Variants in GPR39 observed in about 807,000 individuals in gnomAD.
GPR39 encodes G protein-coupled receptor 39.
In GPR39, 23 loss-of-function variants were observed where a neutral mutation model predicts 18.4. The ratio of observed to expected loss-of-function variants is 1.25; its 90% CI spans 0.90 to 1.77. The LOEUF is 1.77. Among genes scored for constraint, GPR39 ranks in the 40% most tolerant of loss-of-function variants. The probability of loss-of-function intolerance (pLI) is 0.00; values close to 1 mark genes in which losing one functional copy is unlikely to be tolerated. For synonymous variants in GPR39, 280 were observed against 257.9 expected (o/e 1.09, Z -0.82); for missense variants, 647 against 602.4 (o/e 1.07, Z -0.78).
At chr2:132,609,426 G>A (rs144900879) in intron 1 of GPR39, among the ~76,000 whole-genome samples, 65 of 152,270 alleles carry the variant, frequency 4.3e-4, no homozygotes, top group Middle Eastern at 3.4e-3. Flanking sequence ...ATGAGAAAAC[G>A]GAGAGTCAGA....
In GPR39 at chr2:132,646,013, CAA is replaced by C; in HGVS notation, c.*408_*409del. On this transcript the variant is annotated 3_prime_UTR_variant, in exon 2 of 2. Transcript: ENST00000329321. Reference sequence around the variant, plus strand: ...GGGTTGGGGGCGAGGGCTGGAAGAACAATGCAGGAGGGGGTGGCATCTCCTTC... The same window carrying C: ...GGGTTGGGGGCGAGGGCTGGAAGAACTGCAGGAGGGGGTGGCATCTCCTTC... 1 of 1,468,438 alleles carries C rather than the reference CAA, an allele frequency of 6.8e-7. No homozygotes were observed. Among genetic ancestry groups the C allele is most frequent in the Non-Finnish European group, 9.1e-7 (1 of 1,096,006 alleles). 91.0% of individuals were successfully genotyped at this position (1,468,438 alleles called of 1,614,324 possible). A position where few individuals can be genotyped will look rare whatever the true frequency, so the allele number is the denominator to read the frequency against.
At chr2:132,606,494 A>T (rs1681139772) in intron 1 of GPR39, among the ~76,000 whole-genome samples, 1 of 152,234 alleles carries the variant, frequency 6.6e-6, no homozygotes, top group Admixed American at 6.5e-5. Flanking sequence ...AAGATGGGCA[A>T]GTGCAGAGGT....
rs1367884667 is a variant in GPR39 at position 132,461,989 on chromosome 2, T to C, written c.856+44091T>C. On this transcript the variant is annotated intron_variant, in intron 1 of 1. Transcript: ENST00000329321. ...ATATTCAGGCTGGCTGAGGCCAAGA[T>C]GCAACGCAGTAAGATTACCATGGGC... 2.0e-5 allele frequency among the ~76,000 whole-genome samples: 3 copies of C among 152,218 alleles called. No homozygotes were observed. In the East Asian group the frequency reaches 5.8e-4, roughly 29 times the overall value.
intron 1 of GPR39, among the ~76,000 whole-genome samples, chr2:132,569,974 A>C (rs1477883097): frequency 6.6e-6 from 1 of 152,054 alleles, no homozygotes; most frequent in Non-Finnish European, 1.5e-5. Flanking sequence ...CTCTTATGTA[A>C]ATTGCCCAGT....
chr2:132,430,923 C>T (rs10185320), intron 1 of GPR39, among the ~76,000 whole-genome samples: 32,643 of 152,108 alleles, frequency 0.21, 3,666 homozygotes, highest in African/African-American at 0.26. Flanking sequence ...CTCTTATATC[C>T]CTGGACTTCC....
chr2:132,611,176 C>T (rs1289037835), intron 1 of GPR39, among the ~76,000 whole-genome samples: 2 of 152,240 alleles, frequency 1.3e-5, no homozygotes, highest in Non-Finnish European at 2.9e-5. Context: ...GGGGAGAACA[C>T]AGTGCAGGAA....
intron 1 of GPR39, among the ~76,000 whole-genome samples, chr2:132,624,130 A>G (rs1264272819): frequency 6.6e-6 from 1 of 152,186 alleles, no homozygotes; most frequent in East Asian, 1.9e-4. Context: ...CCGGAGGCTA[A>G]AAGTCTAAGA....
At chr2:132,589,676 C>T (rs543800037) in intron 1 of GPR39, among the ~76,000 whole-genome samples, 1 of 152,292 alleles carries the variant, frequency 6.6e-6, no homozygotes, top group South Asian at 2.1e-4. Flanking sequence ...ATGAACATTC[C>T]TGAAAGCCTA....
intron 1 of GPR39, among the ~76,000 whole-genome samples, chr2:132,420,974 A>G (rs1044548405): frequency 3.3e-5 from 5 of 152,242 alleles, no homozygotes; most frequent in South Asian, 4.1e-4. Context: ...TTGTCAGCCC[A>G]GTGACAAATC....
intron 1 of GPR39, among the ~76,000 whole-genome samples, chr2:132,550,182 T>C (rs980629315): frequency 6.6e-6 from 1 of 152,202 alleles, no homozygotes; most frequent in Non-Finnish European, 1.5e-5. Context: ...AGCCATCTAT[T>C]GTAGATAGTT....
chr2:132,595,205 G>A (rs1680915717), intron 1 of GPR39, among the ~76,000 whole-genome samples: 1 of 152,054 alleles, frequency 6.6e-6, no homozygotes, highest in African/African-American at 2.4e-5. Context: ...TCACCATGTT[G>A]GCCAGGCTGG....
rs143328165 is a variant in GPR39, at chr2:132,630,693, A to G, written c.857-14408A>G. Among the ~76,000 whole-genome samples, 600 of 152,242 alleles carry G rather than the reference A, an allele frequency of 3.9e-3. 3 individuals are homozygous for G. The highest frequency in any genetic ancestry group is 0.014 in the African/African-American group (569 of 41,536). ...GCAGGAGATGATGGTAGTAGCCCCA[A>G]TCAGGGTTGTGGCAGTGGGAATGGT... is the stretch of plus-strand genomic sequence containing the variant. On this transcript the variant is annotated intron_variant, in intron 1 of 1. Transcript: ENST00000329321.
chr2:132,423,965 G>A (rs540685501), intron 1 of GPR39, among the ~76,000 whole-genome samples: 9 of 152,304 alleles, frequency 5.9e-5, no homozygotes, highest in African/African-American at 1.9e-4. Context: ...TCGTATAGAG[G>A]TTTATCATTC....
At chr2:132,579,403 G>A (rs1423788026) in intron 1 of GPR39, among the ~76,000 whole-genome samples, 5 of 152,016 alleles carry the variant, frequency 3.3e-5, no homozygotes, top group African/African-American at 1.2e-4. Flanking sequence ...TACGTTCTGT[G>A]GGAACTTGAA....
chr2:132,633,240 A>T (rs542176579), intron 1 of GPR39, among the ~76,000 whole-genome samples: 2 of 151,436 alleles, frequency 1.3e-5, no homozygotes, highest in South Asian at 4.2e-4. Flanking sequence ...GGGATTTGCA[A>T]TTTTTCCCTC....
chr2:132,427,907 A>C (rs1014577866), intron 1 of GPR39, among the ~76,000 whole-genome samples: 5 of 137,122 alleles, frequency 3.6e-5, no homozygotes, highest in Non-Finnish European at 7.9e-5. Context: ...TATAATATAA[A>C]ATTATATTTA....
At chr2:132,509,927 T>C (rs112047732) in intron 1 of GPR39, among the ~76,000 whole-genome samples, 4,270 of 152,232 alleles carry the variant, frequency 0.028, 194 homozygotes, top group African/African-American at 0.096. Flanking sequence ...TGTGTATGGC[T>C]GGTAGGAGAG....
intron 1 of GPR39, among the ~76,000 whole-genome samples, chr2:132,488,115 T>C (rs1411789565): frequency 6.6e-6 from 1 of 152,204 alleles, no homozygotes; most frequent in African/African-American, 2.4e-5. Flanking sequence ...AGTAGACAAA[T>C]TTGCTTACTT....
intron 1 of GPR39, among the ~76,000 whole-genome samples, chr2:132,443,948 AC>A (rs1222321801): frequency 1.3e-5 from 2 of 151,984 alleles, no homozygotes; most frequent in Non-Finnish European, 2.9e-5. Flanking sequence ...GGTGGCATGC[AC>A]CTGTAGTCCT....
Sources: allele counts gnomAD v4.1 joint callset (sites outside exome capture counted in the v4.1 genomes callset), GRCh38; gene constraint gnomAD v4.1.1; transcripts MANE v1.5; gene names NCBI Gene and HGNC (gene_info 2026-07-23, HGNC 2026-07-21).